The following CDRT4 variants were observed in gnomAD, a reference collection of about 807,000 sequenced individuals.
The protein encoded by CDRT4 is CMT1A duplicated region transcript 4 protein.
For synonymous variants in CDRT4, 64 were observed against 69.6 expected, an observed-to-expected ratio of 0.92 and a Z score of 0.40; for missense variants, 167 against 193.1, an observed-to-expected ratio of 0.87 and a Z score of 0.80.
chr17:15,465,382 AACAC>A (rs374517566), intron 1 of CDRT4, among the ~76,000 whole-genome samples: 2 of 147,122 alleles, frequency 1.4e-5, no homozygotes, highest in African/African-American at 5.0e-5. Flanking sequence ...AGACACACAT[AACAC>A]ACACACCAAC....
At chr17:15,460,245 CT>C (rs1357776881) in intron 1 of CDRT4, among the ~76,000 whole-genome samples, 1 of 152,126 alleles carries the variant, frequency 6.6e-6, no homozygotes, top group Non-Finnish European at 1.5e-5. Context: ...ACCAGCACCC[CT>C]AATGAACCTG....
intron 2 of CDRT4, among the ~76,000 whole-genome samples, chr17:15,448,463 C>T (rs2954774): frequency 2.6e-5 from 4 of 152,066 alleles, no homozygotes; most frequent in Non-Finnish European, 2.9e-5. Context: ...TCAGGCCTCA[C>T]GTAAACTGAT....
At chr17:15,442,752 G>A (rs1191875063) in intron 2 of CDRT4, among the ~76,000 whole-genome samples, 4 of 152,208 alleles carry the variant, frequency 2.6e-5, no homozygotes, top group Non-Finnish European at 4.4e-5. Flanking sequence ...CAGGAACTAG[G>A]AAACGATAAA....
chr17:15,442,222 C>T (rs1394033968), intron 2 of CDRT4, among the ~76,000 whole-genome samples: 1 of 152,096 alleles, frequency 6.6e-6, no homozygotes, highest in Non-Finnish European at 1.5e-5. Context: ...ATCAGCCTGG[C>T]TAACATGGTG....
intron 1 of CDRT4, among the ~76,000 whole-genome samples, chr17:15,456,827 G>A (rs970295131): frequency 4.6e-5 from 7 of 152,096 alleles, no homozygotes; most frequent in African/African-American, 7.2e-5. Flanking sequence ...ACACAAGAAC[G>A]CAGAAACTAT....
chr17:15,455,045 T>G (rs574933210), intron 1 of CDRT4, among the ~76,000 whole-genome samples: 148 of 152,100 alleles, frequency 9.7e-4, no homozygotes, highest in Non-Finnish European at 1.7e-3. Flanking sequence ...TAGATAACAA[T>G]GGCATGCAAC....
At chr17:15,452,284 T>G (rs1979297161) in intron 2 of CDRT4, among the ~76,000 whole-genome samples, 1 of 152,234 alleles carries the variant, frequency 6.6e-6, no homozygotes, top group South Asian at 2.1e-4. Flanking sequence ...AAAATGGGAA[T>G]GATACATGTC....
At chr17:15,438,787 T>C (rs780209720) in intron 3 of CDRT4, among the ~76,000 whole-genome samples, 5 of 152,236 alleles carry the variant, frequency 3.3e-5, no homozygotes, top group Non-Finnish European at 7.3e-5. Flanking sequence ...AACCTTCGGC[T>C]ATGTCTCCCA....
intron 2 of CDRT4, among the ~76,000 whole-genome samples, chr17:15,443,009 CTTGTTT>C (rs1978839916): frequency 1.3e-5 from 2 of 152,156 alleles, no homozygotes. Context: ...AAGCGGCTTT[CTTGTTT>C]TTCCTACAGA....
rs1459548888 is a variant in CDRT4 at position 15,437,563 on chromosome 17, G to A, written c.*210C>T. The stretch of plus-strand genomic sequence containing the variant: ...CCAGGGACTGCCCAAACCCACCAGA[G>A]AGCAGTGTGGGAGGGGACACACTCA... On this transcript the variant is annotated 3_prime_UTR_variant, in exon 4 of 4. Transcript: ENST00000619038. 3 of 597,492 alleles carry A rather than the reference G, an allele frequency of 5.0e-6. No individual in the cohort carries two copies. The highest frequency in any genetic ancestry group is 3.0e-5 in the Admixed American group (1 of 33,508). 37.0% of individuals were successfully genotyped at this position (597,492 alleles called of 1,614,324 possible).
chr17:15,452,016 C>T (rs557034572), intron 2 of CDRT4, among the ~76,000 whole-genome samples: 5 of 152,300 alleles, frequency 3.3e-5, no homozygotes, highest in African/African-American at 9.6e-5. Flanking sequence ...CCCCAGGGAT[C>T]GCTGGAAATC....
At chr17:15,444,714 C>CAGAGAGAG (rs59581257) in intron 2 of CDRT4, among the ~76,000 whole-genome samples, 3,101 of 135,852 alleles carry the variant, frequency 0.023, 100 homozygotes, top group African/African-American at 0.074. Context: ...TAGCCAAGCG[C>CAGAGAGAG]AGAGAGAGAG....
In CDRT4 at chr17:15,440,258, G is replaced by C. The variant is rs1174017027; in HGVS notation, c.-20C>G. Reference sequence around the variant, plus strand: ...ATCCATCTTCTTTTTAATATTTACTGATTTCTTAACATCACAGGTTCAGAT... The same window carrying C: ...ATCCATCTTCTTTTTAATATTTACTCATTTCTTAACATCACAGGTTCAGAT... On this transcript the variant is annotated 5_prime_UTR_variant, in exon 3 of 4. The change creates a new upstream start codon in the 5' untranslated region. Transcript: ENST00000619038. The C allele has an allele frequency of 6.2e-7, 1 of 1,612,740 alleles. No individual in the cohort carries two copies. The highest frequency in any genetic ancestry group is 8.5e-7 in the Non-Finnish European group (1 of 1,179,952).
chr17:15,466,784 G>C (rs1980060364), intron 1 of CDRT4, among the ~76,000 whole-genome samples: 1 of 151,982 alleles, frequency 6.6e-6, no homozygotes, highest in Admixed American at 6.6e-5. Context: ...GCCTAGGCTG[G>C]TCTTGAGTTC....
intron 2 of CDRT4, among the ~76,000 whole-genome samples, chr17:15,444,906 A>G (rs1978949373): frequency 6.6e-6 from 1 of 152,196 alleles, no homozygotes; most frequent in South Asian, 2.1e-4. Context: ...AAATTGACTT[A>G]GATCAAAGAA....
intron 3 of CDRT4, 69 bp from the exon 4 acceptor site, chr17:15,438,269 G>A (rs1978596226): frequency 6.6e-7 from 1 of 1,508,150 alleles, no homozygotes; most frequent in Non-Finnish European, 9.0e-7. Context: ...TTCAAAAAAT[G>A]GGAAGGCATT....
chr17:15,444,620 GGTGAGT>G (rs1263111772), intron 2 of CDRT4, among the ~76,000 whole-genome samples: 1 of 152,078 alleles, frequency 6.6e-6, no homozygotes, highest in South Asian at 2.1e-4. Flanking sequence ...AGGAGGCCAA[GGTGAGT>G]GGATCACTTG....
intron 2 of CDRT4, among the ~76,000 whole-genome samples, chr17:15,452,104 T>C (rs1239794984): frequency 6.6e-6 from 1 of 152,186 alleles, no homozygotes; most frequent in African/African-American, 2.4e-5. Flanking sequence ...TAGCCACTAC[T>C]AGAGAAGGTA....
intron 1 of CDRT4, among the ~76,000 whole-genome samples, chr17:15,465,012 AAC>A (rs771259251): frequency 2.8e-4 from 41 of 148,194 alleles, no homozygotes; most frequent in Middle Eastern, 3.5e-3. Flanking sequence ...AGACACACAC[AAC>A]ACAGACACAC....
Sources: gnomAD v4.1 joint callset for allele counts (sites outside exome capture counted in the v4.1 genomes callset) on GRCh38, gnomAD v4.1.1 for gene constraint, MANE v1.5 for transcripts, NCBI Gene and HGNC (gene_info 2026-07-23, HGNC 2026-07-21) for gene names.